BASP1: variants seen among roughly 807,000 people sequenced by gnomAD.
BASP1 encodes the protein brain acid soluble protein 1.
BASP1 carries 1 observed loss-of-function variant against 2.2 expected under a neutral mutation model. The ratio of observed to expected loss-of-function variants is 0.46; its 90% CI spans 0.16 to 2.17. The LOEUF is 2.17. BASP1 is among the 30% of genes most tolerant of loss of function. The pLI, the probability that BASP1 is intolerant of heterozygous loss-of-function variation, is 0.27. For missense variants in BASP1, 352 were observed against 327.2 expected (o/e 1.08, Z -0.58); for synonymous variants, 187 against 154.2 (o/e 1.21, Z -1.58).
At chr5:17,256,850 T>C (rs529889795) in intron 1 of BASP1, among the ~76,000 whole-genome samples, 76 of 152,326 alleles carry the variant, frequency 5.0e-4, no homozygotes, top group African/African-American at 1.7e-3. Flanking sequence ...TGCTTTACTT[T>C]GTGTTTGAAT....
chr5:17,236,383 C>A lies in BASP1; in HGVS notation c.-10+18573C>A, dbSNP rs997580448. ...GGTTCAAGCAATTCTCCTGCCTCAG[C>A]CTCTGGAGTAGCTGGGATTACAGGC... On this transcript the variant is annotated intron_variant, in intron 1 of 1. Transcript: ENST00000322611. This position sits in a 1 kb window ranked among gnomAD's most constrained non-coding sequence, Gnocchi z 4.0. 1.3e-5 allele frequency among the ~76,000 whole-genome samples: 2 copies of A among 152,098 alleles called. No individual in the cohort carries two copies. Among genetic ancestry groups the A allele is most frequent in the Admixed American group, 1.3e-4 (2 of 15,250 alleles).
At chr5:17,241,679 C>T (rs1236609639) in intron 1 of BASP1, among the ~76,000 whole-genome samples, 2 of 152,168 alleles carry the variant, frequency 1.3e-5, no homozygotes, top group East Asian at 1.9e-4. Flanking sequence ...GGCCCTGAAG[C>T]TTTCGTAGAT....
rs1740157012 is a variant in BASP1, at chr5:17,254,247, GA to G, written c.-9-20955del. Among the ~76,000 whole-genome samples, 10 of 152,142 alleles carry G rather than the reference GA, an allele frequency of 6.6e-5. No homozygotes were observed. In the South Asian group the frequency reaches 2.1e-3, roughly 32 times the overall value. On this transcript the variant is annotated intron_variant, in intron 1 of 1. Transcript: ENST00000322611. ...AGTTAGTTCTCATTTATTTGTAATT[GA>G]AAAAACAAATATCTGCTAACATAAT...
At chr5:17,237,797 G>T (rs1163853123) in intron 1 of BASP1, among the ~76,000 whole-genome samples, 5 of 151,964 alleles carry the variant, frequency 3.3e-5, no homozygotes, top group Admixed American at 3.3e-4. Context: ...TTTTAGTAGA[G>T]ACAGTGTTTC....
At chr5:17,252,068 G>A (rs898374851) in intron 1 of BASP1, among the ~76,000 whole-genome samples, 2 of 152,242 alleles carry the variant, frequency 1.3e-5, no homozygotes, top group East Asian at 3.9e-4. Flanking sequence ...AACCTTTGGA[G>A]GAAGTCATGG....
At chr5:17,241,884 C>G (rs1739870158) in intron 1 of BASP1, among the ~76,000 whole-genome samples, 1 of 152,166 alleles carries the variant, frequency 6.6e-6, no homozygotes, top group Non-Finnish European at 1.5e-5. Flanking sequence ...GGCACGCAAA[C>G]TCAGGGCTTT....
chr5:17,239,849 G>A (rs1283152453), intron 1 of BASP1, among the ~76,000 whole-genome samples: 1 of 152,120 alleles, frequency 6.6e-6, no homozygotes, highest in Non-Finnish European at 1.5e-5. Flanking sequence ...GTTGTAATGA[G>A]GTCTTTGGAA....
At chr5:17,264,767 T>C (rs1740385355) in intron 1 of BASP1, among the ~76,000 whole-genome samples, 2 of 152,222 alleles carry the variant, frequency 1.3e-5, no homozygotes, top group South Asian at 2.1e-4. Flanking sequence ...ATCTTCTCCA[T>C]TGTCATCTGT....
upstream of BASP1, chr5:17,217,071 TGAGAGAGAGA>T (rs576405122): frequency 2.9e-5 from 3 of 102,046 alleles, no homozygotes; most frequent in African/African-American, 1.3e-4. Context: ...AGAGAGAGAG[TGAGAGAGAGA>T]GAGAGAGAGA....
intron 1 of BASP1, among the ~76,000 whole-genome samples, chr5:17,221,322 TTTA>T (rs959063886): frequency 1.3e-5 from 2 of 151,864 alleles, no homozygotes; most frequent in African/African-American, 4.8e-5. Context: ...AAATAAAAGA[TTTA>T]TAAAATTGTT....
intron 1 of BASP1, among the ~76,000 whole-genome samples, chr5:17,246,025 T>TGTTTTCTAGAATTTTCTATAATTATTG (rs1444860025): frequency 6.6e-6 from 1 of 152,116 alleles, no homozygotes; most frequent in Admixed American, 6.6e-5. Context: ...CACGGTTAGA[T>TGTTTTCTAGAATTTTCTATAATTATTG]GTTTTCTAGA....
intron 1 of BASP1, among the ~76,000 whole-genome samples, chr5:17,265,898 A>C (rs1740406608): frequency 5.3e-5 from 8 of 152,202 alleles, no homozygotes; most frequent in Admixed American, 5.2e-4. Context: ...GGGCTGACCC[A>C]TGCGTTTTCA....
intron 1 of BASP1, among the ~76,000 whole-genome samples, chr5:17,256,866 A>T (rs1311958935): frequency 6.6e-6 from 1 of 152,140 alleles, no homozygotes; most frequent in Non-Finnish European, 1.5e-5. Flanking sequence ...TGAATATAGG[A>T]TTTTATAGCT....
chr5:17,226,387 C>G (rs899931491), intron 1 of BASP1, among the ~76,000 whole-genome samples: 4 of 152,158 alleles, frequency 2.6e-5, no homozygotes, highest in African/African-American at 9.7e-5. Context: ...TGAAAAGACC[C>G]ACTTCATTTT....
At chr5:17,266,753 A>G (rs1740422140) in intron 1 of BASP1, among the ~76,000 whole-genome samples, 1 of 147,348 alleles carries the variant, frequency 6.8e-6, no homozygotes, top group African/African-American at 2.5e-5. Context: ...CGCAAGTTGC[A>G]GTGAGCCGAG....
chr5:17,244,543 CAG>C (rs1340841347), intron 1 of BASP1, among the ~76,000 whole-genome samples: 1 of 152,136 alleles, frequency 6.6e-6, no homozygotes, highest in Non-Finnish European at 1.5e-5. Context: ...GAGCTCGTGA[CAG>C]AGGGTCTGGG....
intron 1 of BASP1, among the ~76,000 whole-genome samples, chr5:17,242,284 G>A (rs770802082): frequency 1.3e-5 from 2 of 152,132 alleles, no homozygotes; most frequent in East Asian, 3.9e-4. Flanking sequence ...TGATGAGTGC[G>A]GGTGAGAATG....
chr5:17,265,516 C>A (rs1460142850), intron 1 of BASP1, among the ~76,000 whole-genome samples: 1 of 152,126 alleles, frequency 6.6e-6, no homozygotes, highest in East Asian at 1.9e-4. Context: ...TTTGGATGAC[C>A]CTGGTCTCTG....
chr5:17,221,850 T>C (rs1299979297), intron 1 of BASP1, among the ~76,000 whole-genome samples: 1 of 152,152 alleles, frequency 6.6e-6, no homozygotes, highest in East Asian at 1.9e-4. Context: ...TTGGAGTGGT[T>C]TCTCAGGAAA....
Sources: gnomAD v4.1 joint callset for allele counts (sites outside exome capture counted in the v4.1 genomes callset) on GRCh38, gnomAD v4.1.1 for gene constraint, Gnocchi (gnomAD v3.1) non-coding constraint, MANE v1.5 for transcripts, NCBI Gene and HGNC (gene_info 2026-07-23, HGNC 2026-07-21) for gene names.